The following RORA variants were observed in gnomAD, a reference collection of about 807,000 sequenced individuals.
The protein encoded by RORA is nuclear receptor ROR-alpha.
In RORA, 7 loss-of-function variants were observed where a neutral mutation model predicts 69.5. The ratio of observed to expected loss-of-function variants is 0.10; its 90% CI spans 0.06 to 0.19. The LOEUF is 0.19. Among genes scored for constraint, RORA ranks in the 10% least tolerant of loss-of-function variants. The probability of loss-of-function intolerance (pLI) is 1.00; values close to 1 mark genes in which losing one functional copy is unlikely to be tolerated. For missense variants in RORA, 457 were observed against 663.0 expected (o/e 0.69, Z 3.41); for synonymous variants, 261 against 240.8 (o/e 1.08, Z -0.78).
intron 1 of RORA, among the ~76,000 whole-genome samples, chr15:61,173,560 T>A (rs1482832570): frequency 6.6e-6 from 1 of 152,196 alleles, no homozygotes; most frequent in Non-Finnish European, 1.5e-5. Flanking sequence ...GCCATGTGAA[T>A]CTTCTAGGTC....
intron 1 of RORA, among the ~76,000 whole-genome samples, chr15:60,794,977 G>A (rs1460441502): frequency 1.3e-5 from 2 of 152,188 alleles, no homozygotes; most frequent in South Asian, 4.2e-4. Flanking sequence ...ACAAATCCTG[G>A]ACCTTAGTTG....
rs563452905 is a variant in RORA at position 60,773,104 on chromosome 15, A to G, written c.167-94418T>C. ...GAAGGGGCTCTTTATTGCTTTCTGA[A>G]AACCTCCCTTGACAGCTCATTTGCA... is the stretch of plus-strand genomic sequence containing the variant. On this transcript the variant is annotated intron_variant, in intron 1 of 10. Coordinates refer to ENST00000335670, the MANE Select transcript of RORA (RefSeq NM_134261.3). 5.3e-5 allele frequency among the ~76,000 whole-genome samples: 8 copies of G among 152,294 alleles called. No homozygotes were observed. In the South Asian group the frequency reaches 1.7e-3, roughly 32 times the overall value.
At chr15:60,655,363 C>A (rs2070204948) in intron 2 of RORA, among the ~76,000 whole-genome samples, 1 of 152,108 alleles carries the variant, frequency 6.6e-6, no homozygotes, top group Non-Finnish European at 1.5e-5. Flanking sequence ...GCCCTTCAGG[C>A]CTAGCAAGCT....
At chr15:60,635,295 A>C (rs1328643839) in intron 2 of RORA, among the ~76,000 whole-genome samples, 2 of 152,196 alleles carry the variant, frequency 1.3e-5, no homozygotes, top group African/African-American at 4.8e-5. Flanking sequence ...GTTAAACCTT[A>C]GGGTGATGGT....
At chr15:60,811,039 G>C (rs1461271416) in intron 1 of RORA, among the ~76,000 whole-genome samples, 1 of 152,076 alleles carries the variant, frequency 6.6e-6, no homozygotes, top group Non-Finnish European at 1.5e-5. Context: ...CTATTGTGTG[G>C]GAGACAAGTC....
At chr15:60,880,825 G>T (rs985773929) in intron 1 of RORA, among the ~76,000 whole-genome samples, 8 of 152,146 alleles carry the variant, frequency 5.3e-5, no homozygotes, top group Admixed American at 1.3e-4. Context: ...TTTAATACGT[G>T]TCTGACCTGA....
intron 1 of RORA, among the ~76,000 whole-genome samples, chr15:60,791,807 G>A (rs1377132205): frequency 6.6e-6 from 1 of 152,214 alleles, no homozygotes; most frequent in African/African-American, 2.4e-5. Flanking sequence ...CAGGCAAGTC[G>A]AGTGGTTGCT....
At chr15:60,554,401 C>A (rs2067303153) in intron 2 of RORA, among the ~76,000 whole-genome samples, 1 of 151,848 alleles carries the variant, frequency 6.6e-6, no homozygotes, top group Non-Finnish European at 1.5e-5. Flanking sequence ...ATATTTTTGG[C>A]ACTAAAAAAA....
chr15:60,974,129 G>A (rs559642296), intron 1 of RORA, among the ~76,000 whole-genome samples: 1 of 152,334 alleles, frequency 6.6e-6, no homozygotes, highest in Admixed American at 6.5e-5. Context: ...GACAACAGAG[G>A]AGGAGGGATG....
chr15:61,158,802 C>T (rs2079468341), intron 1 of RORA, among the ~76,000 whole-genome samples: 1 of 152,278 alleles, frequency 6.6e-6, no homozygotes. Context: ...TGTTCCTCTT[C>T]AGGAGTGAGT....
chr15:60,595,686 A>G lies in RORA; in HGVS notation c.197-63835T>C, dbSNP rs530922800. Among the ~76,000 whole-genome samples, 174 of 17,744 alleles carry G rather than the reference A, an allele frequency of 9.8e-3. 3 individuals carry two copies. Among genetic ancestry groups the G allele is most frequent in the Middle Eastern group, 0.047 (3 of 64 alleles). 11.6% of individuals were successfully genotyped at this position (17,744 alleles called of 152,430 possible). The stretch of plus-strand genomic sequence containing the variant: ...CTTTTTCTTTTTACCAAGTGTTCTG[A>G]AAAAAAAAAAAAAGTAAAGTAATAT... On this transcript the variant is annotated intron_variant, in intron 2 of 10. Coordinates refer to ENST00000335670, the MANE Select transcript of RORA (RefSeq NM_134261.3).
At chr15:61,145,555 A>G (rs1319372958) in intron 1 of RORA, among the ~76,000 whole-genome samples, 1 of 152,256 alleles carries the variant, frequency 6.6e-6, no homozygotes, top group East Asian at 1.9e-4. Flanking sequence ...TTTCCATTAT[A>G]AAGAAGAAAA....
At chr15:60,828,222 G>A (rs778677472) in intron 1 of RORA, among the ~76,000 whole-genome samples, 12 of 152,134 alleles carry the variant, frequency 7.9e-5, no homozygotes, top group Non-Finnish European at 1.5e-4. Flanking sequence ...TCAGGGTCAG[G>A]AGAGGCAGCA....
At chr15:60,646,940 G>A (rs969207877) in intron 2 of RORA, among the ~76,000 whole-genome samples, 2 of 152,212 alleles carry the variant, frequency 1.3e-5, no homozygotes, top group Non-Finnish European at 2.9e-5. Context: ...AATACAAAGT[G>A]CAGCATACAC....
At chr15:60,816,757 A>G (rs1439514463) in intron 1 of RORA, among the ~76,000 whole-genome samples, 1 of 151,820 alleles carries the variant, frequency 6.6e-6, no homozygotes. Flanking sequence ...ATAAAATAAA[A>G]TAAAGTGTAG....
Position 60,795,447 on chromosome 15 carries a change from A to G in RORA, c.167-116761T>C, listed in dbSNP as rs1478061935. ...AAGGGCAGCCAAACCCCGGGAGAGT[A>G]TTTTTGAGCTAAGAATTTGACAACT... On this transcript the variant is annotated intron_variant, in intron 1 of 10. Coordinates refer to ENST00000335670, the MANE Select transcript of RORA (RefSeq NM_134261.3). 3.3e-5 allele frequency among the ~76,000 whole-genome samples: 5 copies of G among 152,166 alleles called. No homozygotes were observed. In the East Asian group the frequency reaches 9.6e-4, roughly 29 times the overall value.
At chr15:61,042,004 G>C (rs1896796786) in intron 1 of RORA, among the ~76,000 whole-genome samples, 1 of 152,136 alleles carries the variant, frequency 6.6e-6, no homozygotes, top group African/African-American at 2.4e-5. Flanking sequence ...CAGAGCTGGG[G>C]CTGGAACCTG....
chr15:60,984,251 C>G (rs1008237209), intron 1 of RORA, among the ~76,000 whole-genome samples: 7 of 151,934 alleles, frequency 4.6e-5, no homozygotes, highest in Non-Finnish European at 1.0e-4. Context: ...TACACTTTCC[C>G]TATGAAACTA....
intron 2 of RORA, among the ~76,000 whole-genome samples, chr15:60,624,669 C>T (rs1221639435): frequency 6.6e-6 from 1 of 151,650 alleles, no homozygotes; most frequent in African/African-American, 2.4e-5. Context: ...GGACATGCTA[C>T]TATGGCTACA....
Sources: allele counts gnomAD v4.1 joint callset (sites outside exome capture counted in the v4.1 genomes callset), GRCh38; gene constraint gnomAD v4.1.1; transcripts MANE v1.5; gene names NCBI Gene and HGNC (gene_info 2026-07-23, HGNC 2026-07-21).